MBIP: variants seen among roughly 807,000 people sequenced by gnomAD.
MBIP encodes the protein MAP3K12 binding inhibitory protein 1.
MBIP carries 32 observed loss-of-function variants against 45.7 expected under a neutral mutation model. The ratio of observed to expected loss-of-function variants is 0.70; its 90% CI spans 0.53 to 0.94. MBIP has a LOEUF of 0.94. Among genes scored for constraint, MBIP ranks in the 40% least tolerant of loss-of-function variants. The probability of loss-of-function intolerance (pLI) is 0.00; values close to 1 mark genes in which losing one functional copy is unlikely to be tolerated. For missense variants in MBIP, 381 were observed against 405.5 expected (o/e 0.94, Z 0.52); for synonymous variants, 145 against 141.0 (o/e 1.03, Z -0.20).
intron 7 of MBIP, chr14:36,301,086 C>A: frequency 4.0e-6 from 1 of 252,110 alleles, no homozygotes; most frequent in Non-Finnish European, 7.5e-6. Context: ...TTCCCATCAA[C>A]TACCCGCTGC....
intron 8 of MBIP, among the ~76,000 whole-genome samples, chr14:36,299,920 G>C (rs1879434398): frequency 6.6e-6 from 1 of 152,012 alleles, no homozygotes; most frequent in South Asian, 2.1e-4. Context: ...TAAAGAGAAG[G>C]GGAAATTGGG....
At chr14:36,311,380 A>C (rs978534205) in intron 6 of MBIP, among the ~76,000 whole-genome samples, 193 bp downstream of exon 6, 3 of 152,214 alleles carry the variant, frequency 2.0e-5, no homozygotes, top group South Asian at 4.2e-4. Flanking sequence ...TACAGTGATA[A>C]CACCACCACC....
intron 6 of MBIP, among the ~76,000 whole-genome samples, chr14:36,310,039 T>C (rs1880109399): frequency 1.3e-5 from 2 of 152,220 alleles, no homozygotes; most frequent in African/African-American, 4.8e-5. Flanking sequence ...TCAGTATCCC[T>C]TGTGCCTAAA....
At chr14:36,318,471 T>C (rs1880702875) in intron 1 of MBIP, among the ~76,000 whole-genome samples, 1 of 152,012 alleles carries the variant, frequency 6.6e-6, no homozygotes, top group South Asian at 2.1e-4. Context: ...TAATATGAAC[T>C]CTATGCATTT....
chr14:36,317,668 C>G (rs1880655038), intron 1 of MBIP, among the ~76,000 whole-genome samples: 1 of 152,094 alleles, frequency 6.6e-6, no homozygotes, highest in South Asian at 2.1e-4. Flanking sequence ...GAGCGCCCAT[C>G]TGCAGTCTTT....
intron 2 of MBIP, among the ~76,000 whole-genome samples, chr14:36,315,191 A>G (rs1187980975): frequency 2.6e-5 from 4 of 152,154 alleles, no homozygotes; most frequent in African/African-American, 9.6e-5. Context: ...AAGGAAATTT[A>G]AAATTTTCTT....
chr14:36,316,563 CG>C, intron 2 of MBIP, 129 bp downstream of exon 2: 3 of 833,632 alleles, frequency 3.6e-6, no homozygotes, highest in Non-Finnish European at 5.5e-6. Context: ...AGATTAAATC[CG>C]GATGTAAATA....
At chr14:36,306,436 TA>T (rs1879884874) in intron 7 of MBIP, among the ~76,000 whole-genome samples, 1 of 151,980 alleles carries the variant, frequency 6.6e-6, no homozygotes, top group Non-Finnish European at 1.5e-5. Flanking sequence ...TTTTATTTTT[TA>T]TTTTTTTGTA....
At chr14:36,307,186 CCTT>C (rs796480293) in intron 7 of MBIP, among the ~76,000 whole-genome samples, 4 of 152,214 alleles carry the variant, frequency 2.6e-5, no homozygotes, top group African/African-American at 9.6e-5. Context: ...ACGTGACCTG[CCTT>C]CTTCTTCTGG....
chr14:36,313,568 T>G (rs1325340307), intron 4 of MBIP: 1 of 152,140 alleles, frequency 6.6e-6, no homozygotes, highest in Admixed American at 6.6e-5. Context: ...ATTTTGCCAT[T>G]GTTGCACCTG....
At chr14:36,319,233 T>C (rs556612951) in intron 1 of MBIP, among the ~76,000 whole-genome samples, 2 of 152,270 alleles carry the variant, frequency 1.3e-5, no homozygotes, top group Admixed American at 1.3e-4. Flanking sequence ...ATAAAATAAA[T>C]AAACTTAAGT....
intron 1 of MBIP, chr14:36,319,452 G>A (rs1457081024): frequency 7.9e-6 from 2 of 253,018 alleles, no homozygotes; most frequent in Non-Finnish European, 1.6e-5. Flanking sequence ...TTACAGTAAT[G>A]TTCTTTGTAA....
At chr14:36,316,336 C>G (rs957061160) in intron 2 of MBIP, among the ~76,000 whole-genome samples, 1 of 152,086 alleles carries the variant, frequency 6.6e-6, no homozygotes, top group Admixed American at 6.6e-5. Context: ...ACTCCATGAG[C>G]CTCCAAACTC....
At chr14:36,310,611 T>C (rs1274960316) in intron 6 of MBIP, among the ~76,000 whole-genome samples, 1 of 152,194 alleles carries the variant, frequency 6.6e-6, no homozygotes, top group Non-Finnish European at 1.5e-5. Flanking sequence ...AGTTGCACTC[T>C]CACGGACTAT....
Position 36,308,150 on chromosome 14 carries a change from T to G in MBIP, c.830A>C (p.Lys277Thr). 6.2e-7 allele frequency: 1 copy of G among 1,606,576 alleles called. No individual in the cohort carries two copies. The highest frequency in any genetic ancestry group is 1.1e-5 in the South Asian group (1 of 90,692). The part of the protein sequence containing the change: ...VPRDIYQRIK[K>T]LEDKILELEG... ...CAATTCAAGGATTTTATCCTCAAGT[T>G]TTTTAATTCTCTGATAAATGTCTCT... The change falls in exon 7 of 9, where the codon AAA becomes ACA. Residue 277 changes from lysine (K) to threonine (T), a missense_variant. Physicochemically the swap from Lys to Thr is moderately conservative, Grantham distance 78. Coordinates refer to ENST00000416007, the MANE Select transcript of MBIP (RefSeq NM_016586.3).
chr14:36,307,419 A>G (rs1179285322), intron 7 of MBIP, among the ~76,000 whole-genome samples: 2 of 152,160 alleles, frequency 1.3e-5, no homozygotes, highest in Non-Finnish European at 1.5e-5. Context: ...AAAAAAAACA[A>G]AACTTAGAGA....
intron 1 of MBIP, among the ~76,000 whole-genome samples, chr14:36,319,362 T>C (rs1182090694): frequency 6.6e-6 from 1 of 152,192 alleles, no homozygotes; most frequent in Non-Finnish European, 1.5e-5. Flanking sequence ...TGGTAAGTAC[T>C]TGGCAAACAA....
chr14:36,311,142 C>CA (rs1243335164), intron 6 of MBIP, among the ~76,000 whole-genome samples: 1 of 152,156 alleles, frequency 6.6e-6, no homozygotes, highest in Admixed American at 6.5e-5. Flanking sequence ...GAGGGAGACT[C>CA]AGTCTCTGCA....
chr14:36,314,528 A>G lies in MBIP; in HGVS notation c.555T>C (p.Val185=). Residue 185 remains valine (V), a synonymous_variant, in exon 4 of 9, where the codon GTT becomes GTC. Transcript: ENST00000416007. ...GGTAGTTACCTTGATTACAATCAAT[A>G]ACATTGCAAAATTCCCTGACGTTGT... The part of the protein sequence containing the change: ...NENNVREFCN[V]IDCNQENSCA... The G allele has an allele frequency of 6.2e-7, 1 of 1,608,648 alleles. No individual in the cohort carries two copies. Among genetic ancestry groups the G allele is most frequent in the East Asian group, 2.2e-5 (1 of 44,792 alleles).
Sources: allele counts gnomAD v4.1 joint callset (sites outside exome capture counted in the v4.1 genomes callset), GRCh38; gene constraint gnomAD v4.1.1; transcripts MANE v1.5; gene names NCBI Gene and HGNC (gene_info 2026-07-23, HGNC 2026-07-21).